Variants in ATG2B observed in about 807,000 individuals in gnomAD.
ATG2B encodes autophagy related 2B, also known as autophagy-related protein 2 homolog B.
A neutral mutation model predicts 241.3 loss-of-function variants in ATG2B; 121 were observed. The ratio of observed to expected loss-of-function variants is 0.50; its 90% CI spans 0.43 to 0.58. The LOEUF (loss-of-function observed/expected upper bound fraction) is 0.58, where lower values mean the gene tolerates loss of function less well. Among genes scored for constraint, ATG2B ranks in the 20% least tolerant of loss-of-function variants. The pLI is 0.00. For synonymous variants in ATG2B, 858 were observed against 876.6 expected (o/e 0.98, Z 0.37); for missense variants, 2,306 against 2,491.6 (o/e 0.93, Z 1.59).
intron 6 of ATG2B, among the ~76,000 whole-genome samples, chr14:96,339,839 G>A (rs889031200): frequency 5.3e-5 from 8 of 151,398 alleles, no homozygotes; most frequent in Admixed American, 4.0e-4. Context: ...ACTCATCTAC[G>A]TAACCAAAAA....
chr14:96,311,685 CCAATA>C, intron 26 of ATG2B, 67 bp from the exon 27 acceptor site: 1 of 929,058 alleles, frequency 1.1e-6, no homozygotes. Context: ...CAACCAACAC[CCAATA>C]CAACTAGCAT....
chr14:96,332,417 A>C lies in ATG2B; in HGVS notation c.1363-7T>G, dbSNP rs760466008. ...CTCCCCAAGTGGGCTGAAGCTATAA[A>C]AGATTTTTTTTAAGCACATGAATGA... On this transcript the variant is annotated splice_region_variant and splice_polypyrimidine_tract_variant and intron_variant, in intron 9 of 41. Transcript: ENST00000359933. 6.2e-7 allele frequency: 1 copy of C among 1,613,524 alleles called. No individual in the cohort carries two copies. Among genetic ancestry groups the C allele is most frequent in the Admixed American group, 1.7e-5 (1 of 59,950 alleles).
chr14:96,305,269 C>G (rs961416427), intron 31 of ATG2B, among the ~76,000 whole-genome samples: 1 of 152,140 alleles, frequency 6.6e-6, no homozygotes, highest in African/African-American at 2.4e-5. Context: ...CGTTTCACTG[C>G]CCTCTGTCAC....
chr14:96,326,928 T>C (rs1272011076), intron 14 of ATG2B, among the ~76,000 whole-genome samples: 1 of 152,130 alleles, frequency 6.6e-6, no homozygotes, highest in Non-Finnish European at 1.5e-5. Flanking sequence ...ACCACCACTC[T>C]CAGGCAAAAA....
intron 29 of ATG2B, among the ~76,000 whole-genome samples, chr14:96,308,517 G>C (rs1345355011): frequency 6.9e-6 from 1 of 145,766 alleles, no homozygotes; most frequent in Non-Finnish European, 1.5e-5. Flanking sequence ...TGCCGAGGCT[G>C]GTCTCAAACT....
chr14:96,309,495 C>A lies in ATG2B; in HGVS notation c.4261G>T (p.Asp1421Tyr). The change falls in exon 29 of 42, where the codon GAC (aspartate) becomes TAC (tyrosine). Residue 1421 changes from aspartate (D) to tyrosine (Y), a missense_variant. By Grantham distance (160) the Asp-to-Tyr change is radical (BLOSUM62 -3). Transcript: ENST00000359933. Reference protein sequence around the residue: ...DLMSDAMEEIDMQQGTSSVKP... With the variant: ...DLMSDAMEEIYMQQGTSSVKP... ...ACTGACGAGGTGCCTTGTTGCATGT[C>A]GATCTCCTCCATAGCATCACTCATC... 2 of 1,614,002 alleles carry A rather than the reference C, an allele frequency of 1.2e-6. No homozygotes were observed. Among genetic ancestry groups the A allele is most frequent in the Non-Finnish European group, 1.7e-6 (2 of 1,179,914 alleles).
chr14:96,292,106 T>C lies in ATG2B; in HGVS notation c.5427-8A>G, dbSNP rs931613983. The stretch of plus-strand genomic sequence containing the variant: ...GACGTGAATCTAAATTCTCTGAAGA[T>C]AAAGGAAGGAGGGAGTTATTTACAT... On this transcript the variant is annotated splice_region_variant and splice_polypyrimidine_tract_variant and intron_variant, in intron 36 of 41. Coordinates refer to ENST00000359933, the MANE Select transcript of ATG2B (RefSeq NM_018036.7). The C allele has an allele frequency of 7.6e-6, 12 of 1,574,908 alleles. No individual in the cohort carries two copies. In the African/African-American group the frequency reaches 1.2e-4, roughly 16 times the overall value.
intron 6 of ATG2B, among the ~76,000 whole-genome samples, chr14:96,339,271 A>AGT (rs34822684): frequency 0.012 from 1,825 of 147,524 alleles, 15 homozygotes; most frequent in East Asian, 0.029. Context: ...GCAATTCCAC[A>AGT]GTGTGTGTGT....
chr14:96,310,084 C>G (rs564006701), intron 28 of ATG2B, among the ~76,000 whole-genome samples: 1 of 152,236 alleles, frequency 6.6e-6, no homozygotes, highest in Admixed American at 6.5e-5. Context: ...AATACTTAAC[C>G]AAATACTTCA....
chr14:96,328,125 T>C (rs992392114), intron 14 of ATG2B, among the ~76,000 whole-genome samples: 1 of 152,230 alleles, frequency 6.6e-6, no homozygotes, highest in Non-Finnish European at 1.5e-5. Context: ...ATAACCATCA[T>C]TTTAAATGAC....
Position 96,290,793 on chromosome 14 carries a change from T to C in ATG2B, c.5701+21A>G, listed in dbSNP as rs1260679975. ...TCTGAAAAAATAACTTATCTTTTGA[T>C]TAAAAAAGAAGAAAACTCACCTAAT... On this transcript the variant is annotated intron_variant, in intron 39 of 41. Coordinates refer to ENST00000359933, the MANE Select transcript of ATG2B (RefSeq NM_018036.7). The surrounding 1 kb of genome is among the most constrained non-coding windows in gnomAD (Gnocchi z 4.4). The C allele has an allele frequency of 1.3e-6, 2 of 1,591,904 alleles. No individual in the cohort carries two copies. The highest frequency in any genetic ancestry group is 1.7e-6 in the Non-Finnish European group (2 of 1,173,426).
chr14:96,359,292 C>T (rs887915649), intron 1 of ATG2B, among the ~76,000 whole-genome samples: 1 of 151,894 alleles, frequency 6.6e-6, no homozygotes, highest in African/African-American at 2.4e-5. Context: ...GTAGGAGGAT[C>T]GCTTGAGCCT....
rs117096548 is a variant in ATG2B, at chr14:96,354,806, G to A, written c.163-7465C>T. ...CGTGTGTTTTGTTTTTGTTGTTATT[G>A]TTGTTGTTTTACTTTTTAATAATAG... On this transcript the variant is annotated intron_variant, in intron 1 of 41. Coordinates refer to ENST00000359933, the MANE Select transcript of ATG2B (RefSeq NM_018036.7). 4.4e-3 allele frequency among the ~76,000 whole-genome samples: 671 copies of A among 152,140 alleles called. 25 individuals carry two copies. In the South Asian group the frequency reaches 0.067, roughly 15 times the overall value.
In ATG2B at chr14:96,303,073, A is replaced by G; in HGVS notation, c.5025T>C (p.Ala1675=). ...LYCSKEMPRK[A]HSNMLTVKAL... ...GGTTAACTCTTACCATGTTGGAGTG[A>G]GCTTTTCGAGGCATTTCTTTACTGC... The change falls in exon 33 of 42, where the codon GCT becomes GCC. Residue 1675 remains alanine, a synonymous_variant. Transcript: ENST00000359933. 6.3e-7 allele frequency: 1 copy of G among 1,591,602 alleles called. No individual in the cohort carries two copies. The highest frequency in any genetic ancestry group is 1.1e-5 in the South Asian group (1 of 87,166).
intron 1 of ATG2B, among the ~76,000 whole-genome samples, chr14:96,353,283 T>C (rs978945474): frequency 2.0e-5 from 3 of 152,152 alleles, no homozygotes; most frequent in Non-Finnish European, 4.4e-5. Context: ...ACTGTACTGA[T>C]AAAATGAATA....
rs1886161816 is a variant in ATG2B, at chr14:96,280,235, G to T, written c.*5520C>A. 6.6e-6 allele frequency: 1 copy of T among 152,202 alleles called. No individual in the cohort carries two copies. The highest frequency in any genetic ancestry group is 1.5e-5 in the Non-Finnish European group (1 of 68,032). 9.4% of individuals were successfully genotyped at this position (152,202 alleles called of 1,614,324 possible). On this transcript the variant is annotated 3_prime_UTR_variant, in exon 42 of 42. Coordinates refer to ENST00000359933, the MANE Select transcript of ATG2B (RefSeq NM_018036.7). ...ATTCTGTGGTTTCCCAATTAGTGAA[G>T]ACTTTTTGCTAAGTTAGGTAACTGC...
chr14:96,360,288 A>G (rs927036289), intron 1 of ATG2B, among the ~76,000 whole-genome samples: 1 of 152,246 alleles, frequency 6.6e-6, no homozygotes, highest in Admixed American at 6.5e-5. Flanking sequence ...AAAAAACAAA[A>G]CATACTTAAT....
At chr14:96,361,153 G>A (rs1272484334) in intron 1 of ATG2B, among the ~76,000 whole-genome samples, 1 of 152,066 alleles carries the variant, frequency 6.6e-6, no homozygotes, top group Non-Finnish European at 1.5e-5. Flanking sequence ...CTCAGATTAA[G>A]TTTAGTAATA....
intron 25 of ATG2B, 80 bp downstream of exon 25, chr14:96,312,985 T>A: frequency 1.1e-6 from 1 of 898,812 alleles, no homozygotes; most frequent in South Asian, 2.0e-5. Flanking sequence ...ATTGAGACTT[T>A]AATAAAATGG....
Sources: allele counts gnomAD v4.1 joint callset (sites outside exome capture counted in the v4.1 genomes callset), GRCh38; gene constraint gnomAD v4.1.1; non-coding constraint Gnocchi (gnomAD v3.1); transcripts MANE v1.5; gene names NCBI Gene and HGNC (gene_info 2026-07-23, HGNC 2026-07-21).